Variants in VWA8 observed in about 807,000 individuals in gnomAD.
VWA8 encodes von Willebrand factor A domain containing 8, also known as von Willebrand factor A domain-containing protein 8.
A neutral mutation model predicts 241.5 loss-of-function variants in VWA8; 221 were observed. The observed-to-expected ratio is 0.91, with a 90% CI of 0.82 to 1.02. VWA8 has a LOEUF of 1.02. Among genes scored for constraint, VWA8 ranks in the 50% least tolerant of loss-of-function variants. The pLI, the probability that VWA8 is intolerant of heterozygous loss-of-function variation, is 0.00. For synonymous variants in VWA8, 852 were observed against 827.1 expected, an observed-to-expected ratio of 1.03 and a Z score of -0.52; for missense variants, 2,322 against 2,328.7, an observed-to-expected ratio of 1.00 and a Z score of 0.06.
At chr13:41,930,721 C>T (rs1422799036) in intron 2 of VWA8, among the ~76,000 whole-genome samples, 1 of 152,142 alleles carries the variant, frequency 6.6e-6, no homozygotes, top group East Asian at 1.9e-4. Flanking sequence ...ATACATTAAA[C>T]ACAACTGGAC....
chr13:41,727,937 G>A (rs1489821497), intron 23 of VWA8, among the ~76,000 whole-genome samples: 1 of 152,120 alleles, frequency 6.6e-6, no homozygotes, highest in Admixed American at 6.5e-5. Flanking sequence ...GTGTAAATGT[G>A]AAAGGTATTT....
chr13:41,757,531 A>C (rs2045703047), intron 21 of VWA8, among the ~76,000 whole-genome samples: 1 of 150,708 alleles, frequency 6.6e-6, no homozygotes, highest in African/African-American at 2.4e-5. Context: ...GGTATGACTG[A>C]TCCTGCCATC....
chr13:41,573,901 C>T lies in VWA8; in HGVS notation c.5370+1839G>A, dbSNP rs185594818. ...CCTCCCGGGGTGCTGGGATTGCAGG[C>T]GTGCGCCACCGTGCCTGGCCGTAAA... On this transcript the variant is annotated intron_variant, in intron 43 of 44. Coordinates refer to ENST00000379310, the MANE Select transcript of VWA8 (RefSeq NM_015058.2). Among the ~76,000 whole-genome samples, 533 of 152,124 alleles carry T rather than the reference C, an allele frequency of 3.5e-3. 1 individual carries two copies. Among genetic ancestry groups the T allele is most frequent in the Non-Finnish European group, 6.2e-3 (421 of 67,994 alleles).
intron 43 of VWA8, among the ~76,000 whole-genome samples, chr13:41,573,291 G>A (rs79859984): frequency 0.16 from 24,531 of 149,332 alleles, 2,169 homozygotes; most frequent in Admixed American, 0.25. Flanking sequence ...GGTGGTGCGT[G>A]CCTGTGGTAC....
At chr13:41,585,020 C>T (rs146650491) in intron 42 of VWA8, among the ~76,000 whole-genome samples, 41 of 151,248 alleles carry the variant, frequency 2.7e-4, no homozygotes, top group African/African-American at 9.7e-4. Context: ...TGTAATTTCG[C>T]GGAATTTAAC....
intron 8 of VWA8, among the ~76,000 whole-genome samples, chr13:41,884,381 C>T (rs780087382): frequency 2.0e-5 from 3 of 146,786 alleles, no homozygotes; most frequent in Non-Finnish European, 3.0e-5. Flanking sequence ...ATGTGAAGGA[C>T]GTGTTTGCTT....
At chr13:41,724,227 T>G (rs1249680454) in intron 24 of VWA8, among the ~76,000 whole-genome samples, 2 of 152,124 alleles carry the variant, frequency 1.3e-5, no homozygotes, top group Non-Finnish European at 1.5e-5. Context: ...CTGATTAGAA[T>G]GGAATTAAGT....
chr13:41,697,178 TA>T (rs2045220626), intron 29 of VWA8, among the ~76,000 whole-genome samples: 1 of 152,100 alleles, frequency 6.6e-6, no homozygotes, highest in African/African-American at 2.4e-5. Flanking sequence ...TCACCCCAAA[TA>T]TTGGAATTGT....
intron 26 of VWA8, among the ~76,000 whole-genome samples, chr13:41,715,101 C>T (rs751781854): frequency 2.5e-4 from 38 of 151,784 alleles, no homozygotes; most frequent in Non-Finnish European, 3.7e-4. Flanking sequence ...TCCTCATCTA[C>T]AAGATGCAAT....
intron 21 of VWA8, among the ~76,000 whole-genome samples, chr13:41,754,423 C>T (rs2045679103): frequency 6.6e-6 from 1 of 152,070 alleles, no homozygotes; most frequent in Non-Finnish European, 1.5e-5. Flanking sequence ...CTGTAAATTG[C>T]CCAGTCTTGG....
At position 41,750,662 on chromosome 13, in the gene VWA8, T is replaced by G. The variant is rs375379764; in HGVS notation, c.2426+10466A>C. The stretch of plus-strand genomic sequence containing the variant: ...GCTGGAAATAGCAAGAGAACTAGAA[T>G]TAGAAACCAAGCCTGAAGATGCAGG... On this transcript the variant is annotated intron_variant, in intron 21 of 44. Coordinates refer to ENST00000379310, the MANE Select transcript of VWA8 (RefSeq NM_015058.2). 2.4e-4 allele frequency among the ~76,000 whole-genome samples: 36 copies of G among 152,232 alleles called. No homozygotes were observed. The South Asian group carries it at 7.3e-3, about 31-fold the overall frequency.
At chr13:41,703,989 A>G (rs1235226166) in intron 26 of VWA8, among the ~76,000 whole-genome samples, 1 of 151,932 alleles carries the variant, frequency 6.6e-6, no homozygotes, top group African/African-American at 2.4e-5. Flanking sequence ...GTTGGTCTCG[A>G]CCTCAGGTGA....
chr13:41,588,557 C>G (rs1043132712), intron 41 of VWA8, among the ~76,000 whole-genome samples: 10 of 151,732 alleles, frequency 6.6e-5, no homozygotes, highest in Non-Finnish European at 1.3e-4. Context: ...CTCATCTCTA[C>G]AAAAAAATAC....
At chr13:41,839,267 A>G (rs571305461) in intron 12 of VWA8, among the ~76,000 whole-genome samples, 4 of 152,058 alleles carry the variant, frequency 2.6e-5, no homozygotes, top group Non-Finnish European at 5.9e-5. Flanking sequence ...GCTTTTTTTC[A>G]TATGTCTGTT....
At chr13:41,697,099 C>G (rs2045219998) in intron 29 of VWA8, among the ~76,000 whole-genome samples, 2 of 152,214 alleles carry the variant, frequency 1.3e-5, no homozygotes, top group Admixed American at 6.5e-5. Flanking sequence ...GATTGCTTCC[C>G]CATCTTAGTC....
chr13:41,920,170 G>C (rs1329487736), intron 2 of VWA8, among the ~76,000 whole-genome samples: 2 of 152,156 alleles, frequency 1.3e-5, no homozygotes, highest in African/African-American at 2.4e-5. Context: ...AGAGTAATTA[G>C]TGTGTGACAT....
At chr13:41,729,816 C>T (rs1194130590) in intron 22 of VWA8, 139 bp from the exon 23 acceptor site, 42 of 554,458 alleles carry the variant, frequency 7.6e-5, no homozygotes, top group Middle Eastern at 5.0e-4. Context: ...CACACACACA[C>T]ACACACACAC....
intron 9 of VWA8, among the ~76,000 whole-genome samples, chr13:41,880,394 TG>T (rs1420635899): frequency 6.6e-6 from 1 of 152,162 alleles, no homozygotes; most frequent in Non-Finnish European, 1.5e-5. Context: ...TGGTATTTCC[TG>T]AAAACAAGAA....
intron 4 of VWA8, among the ~76,000 whole-genome samples, chr13:41,895,831 C>CTTTTTT (rs59080554): frequency 1.5e-5 from 2 of 130,022 alleles, no homozygotes; most frequent in Admixed American, 7.9e-5. Flanking sequence ...TGCAAATTTT[C>CTTTTTT]TTTTTTTTTT....
Sources: gnomAD v4.1 joint callset for allele counts (sites outside exome capture counted in the v4.1 genomes callset) on GRCh38, gnomAD v4.1.1 for gene constraint, MANE v1.5 for transcripts, NCBI Gene and HGNC (gene_info 2026-07-23, HGNC 2026-07-21) for gene names.